SLC6A4: variants seen among roughly 807,000 people sequenced by gnomAD.
SLC6A4 encodes the protein solute carrier family 6 member 4.
A neutral mutation model predicts 73.4 loss-of-function variants in SLC6A4; 22 were observed. That is an observed-to-expected ratio of 0.30 (90% CI 0.21 to 0.43). The LOEUF (loss-of-function observed/expected upper bound fraction) is 0.43, where lower values mean the gene tolerates loss of function less well. SLC6A4 is among the 20% of genes least tolerant of loss of function. The pLI, the probability that SLC6A4 is intolerant of heterozygous loss-of-function variation, is 1.00. For missense variants in SLC6A4, 593 were observed against 808.5 expected (o/e 0.73, Z 3.23); for synonymous variants, 270 against 315.5 (o/e 0.86, Z 1.53).
chr17:30,212,722 T>G lies in SLC6A4; in HGVS notation c.1204+18A>C, dbSNP rs921966017. On this transcript the variant is annotated intron_variant, in intron 9 of 14. Transcript: ENST00000650711. Reference sequence around the variant, plus strand: ...ACTCAGTAGGAGCAAGGGACCTGCATAGAACCCGAGGTCCTACCTGCGTCT... The same window carrying G: ...ACTCAGTAGGAGCAAGGGACCTGCAGAGAACCCGAGGTCCTACCTGCGTCT... 8 of 1,613,514 alleles carry G rather than the reference T, an allele frequency of 5.0e-6. No individual in the cohort carries two copies. In the East Asian group the frequency reaches 1.8e-4, roughly 36 times the overall value.
At chr17:30,200,178 T>C (rs1414441367) in intron 14 of SLC6A4, among the ~76,000 whole-genome samples, 2 of 152,178 alleles carry the variant, frequency 1.3e-5, no homozygotes, top group Non-Finnish European at 2.9e-5. Flanking sequence ...AAACACTTGG[T>C]TTTTGTGCCC....
chr17:30,233,563 G>A (rs889432733), intron 1 of SLC6A4, among the ~76,000 whole-genome samples: 1 of 152,164 alleles, frequency 6.6e-6, no homozygotes, highest in African/African-American at 2.4e-5. Context: ...TCTTAAAGTG[G>A]AGAGGTTAGG....
intron 8 of SLC6A4, among the ~76,000 whole-genome samples, chr17:30,214,212 C>T (rs368864065): frequency 1.3e-5 from 2 of 151,816 alleles, no homozygotes; most frequent in African/African-American, 2.4e-5. Context: ...CACCTGAGGT[C>T]GGGAGTTGGA....
intron 9 of SLC6A4, among the ~76,000 whole-genome samples, chr17:30,212,450 G>A (rs999655840): frequency 6.6e-6 from 1 of 152,204 alleles, no homozygotes; most frequent in Non-Finnish European, 1.5e-5. Context: ...ACAGTGGTGT[G>A]ATCATGGCTC....
At chr17:30,216,252 G>T in intron 6 of SLC6A4, 36 bp from the exon 7 acceptor site, 1 of 832,716 alleles carries the variant, frequency 1.2e-6, no homozygotes, top group Non-Finnish European at 1.8e-6. Context: ...TGCTGTTCCA[G>T]GGAGGGGAGG....
chr17:30,227,061 G>A (rs1189363377), intron 1 of SLC6A4, among the ~76,000 whole-genome samples: 1 of 152,192 alleles, frequency 6.6e-6, no homozygotes, highest in Non-Finnish European at 1.5e-5. Flanking sequence ...GCCGCGGCGT[G>A]TTTAGATAGC....
In SLC6A4 at chr17:30,230,081, GAA is replaced by G. The variant is rs1445268517; in HGVS notation, c.-221+5530_-221+5531del. On this transcript the variant is annotated intron_variant, in intron 1 of 14. Transcript: ENST00000650711. ...AGAAGAAGAAGAAGAAGAAGAAGAA[GAA>G]GAAGAAGAAGAAGAGGAGGAAGAGG... is the stretch of plus-strand genomic sequence containing the variant. Among the ~76,000 whole-genome samples the G allele has an allele frequency of 5.1e-3, 635 of 124,328 alleles. 5 individuals carry two copies. The highest frequency in any genetic ancestry group is 0.025 in the African/African-American group (614 of 24,724). 81.6% of individuals were successfully genotyped at this position (124,328 alleles called of 152,430 possible).
rs773229105 is a variant in SLC6A4, at chr17:30,207,726, A to G, written c.1650+6T>C. 1 of 1,591,566 alleles carries G rather than the reference A, an allele frequency of 6.3e-7. No individual in the cohort carries two copies. Among genetic ancestry groups the G allele is most frequent in the African/African-American group, 1.3e-5 (1 of 74,452 alleles). ...GGCAAGGAGGAGAAGGGAAATGGCA[A>G]CTCACCAGGAGAAACAGAGGGCTGA... On this transcript the variant is annotated splice_donor_region_variant and intron_variant, in intron 13 of 14. Coordinates refer to ENST00000650711, the MANE Select transcript of SLC6A4 (RefSeq NM_001045.6).
intron 1 of SLC6A4, among the ~76,000 whole-genome samples, chr17:30,226,537 T>C (rs943698953): frequency 9.9e-5 from 15 of 152,060 alleles, no homozygotes; most frequent in Admixed American, 2.0e-4. Context: ...CTGTCTCTAC[T>C]AAAAATACAA....
At chr17:30,206,648 T>G (rs1906207146) in intron 13 of SLC6A4, among the ~76,000 whole-genome samples, 1 of 152,054 alleles carries the variant, frequency 6.6e-6, no homozygotes, top group South Asian at 2.1e-4. Flanking sequence ...GTTCTTTTTG[T>G]TATGTGACTT....
At position 30,222,842 on chromosome 17, in the gene SLC6A4, C is replaced by T. The variant is rs994248830; in HGVS notation, c.-147G>A. The stretch of plus-strand genomic sequence containing the variant: ...ACCATTTGTTCTTCTTTCCACTTGC[C>T]AGCAACTCCTGTGGCTAAGCCCCTT... On this transcript the variant is annotated 5_prime_UTR_variant, in exon 2 of 15. Transcript: ENST00000650711. 9 of 1,304,438 alleles carry T rather than the reference C, an allele frequency of 6.9e-6. No homozygotes were observed. The African/African-American group carries it at 1.4e-4, about 20-fold the overall frequency. 80.8% of individuals were successfully genotyped at this position (1,304,438 alleles called of 1,614,324 possible). A position where few individuals can be genotyped will look rare whatever the true frequency, so the allele number is the denominator to read the frequency against.
intron 1 of SLC6A4, among the ~76,000 whole-genome samples, chr17:30,228,881 C>T (rs1227904493): frequency 1.3e-5 from 2 of 152,224 alleles, no homozygotes; most frequent in Admixed American, 1.3e-4. Context: ...GCTATGGCTA[C>T]ACGTCCCTGA....
chr17:30,206,539 C>T (rs1405468481), intron 13 of SLC6A4: 2 of 152,048 alleles, frequency 1.3e-5, no homozygotes, highest in Non-Finnish European at 2.9e-5. Context: ...TTTGTATCAT[C>T]TTGAAGAAGA....
At chr17:30,219,181 G>A (rs1391235278) in intron 3 of SLC6A4, among the ~76,000 whole-genome samples, 2 of 152,198 alleles carry the variant, frequency 1.3e-5, no homozygotes, top group Non-Finnish European at 2.9e-5. Flanking sequence ...TGGTTTGGGA[G>A]TCGACAGAAC....
Position 30,210,507 on chromosome 17 carries a change from A to G in SLC6A4, c.1449+8T>C. 1 of 1,611,710 alleles carries G rather than the reference A, an allele frequency of 6.2e-7. No homozygotes were observed. The highest frequency in any genetic ancestry group is 8.5e-7 in the Non-Finnish European group (1 of 1,178,890). Reference sequence around the variant, plus strand: ...GGCCAACTCAAAGCTGAGGGGCATGATACTCACAAAAGTCAGGGTGACCAG... The same window carrying G: ...GGCCAACTCAAAGCTGAGGGGCATGGTACTCACAAAAGTCAGGGTGACCAG... On this transcript the variant is annotated splice_region_variant and intron_variant, in intron 11 of 14. Coordinates refer to ENST00000650711, the MANE Select transcript of SLC6A4 (RefSeq NM_001045.6).
At chr17:30,206,846 G>A (rs1342692551) in intron 13 of SLC6A4, among the ~76,000 whole-genome samples, 1 of 150,482 alleles carries the variant, frequency 6.6e-6, no homozygotes, top group Non-Finnish European at 1.5e-5. Flanking sequence ...AGCCTCCTGA[G>A]TAGCACCTAG....
At chr17:30,226,889 G>GA (rs57429941) in intron 1 of SLC6A4, among the ~76,000 whole-genome samples, 1 of 122,772 alleles carries the variant, frequency 8.1e-6, no homozygotes, top group African/African-American at 3.7e-5. Context: ...AAAAGAAAAA[G>GA]AAAGAAAAAA....
At chr17:30,210,726 G>C in intron 10 of SLC6A4, 80 bp from the exon 11 acceptor site, 3 of 1,477,644 alleles carry the variant, frequency 2.0e-6, no homozygotes, top group Middle Eastern at 2.4e-4. Context: ...AGGAGGGAGG[G>C]GTAAGGTTGC....
At position 30,209,260 on chromosome 17, in the gene SLC6A4, G is replaced by T. The variant is rs1406201821; in HGVS notation, c.1450-18C>A. Reference sequence around the variant, plus strand: ...GCCCCTCCCTGGAGGGGAGAGCAGAGCCTGGGTGAGGGCCCTCCAAGGAGC... The same window carrying T: ...GCCCCTCCCTGGAGGGGAGAGCAGATCCTGGGTGAGGGCCCTCCAAGGAGC... On this transcript the variant is annotated intron_variant, in intron 11 of 14. Coordinates refer to ENST00000650711, the MANE Select transcript of SLC6A4 (RefSeq NM_001045.6). 7.2e-6 allele frequency: 11 copies of T among 1,530,804 alleles called. No homozygotes were observed. The highest frequency in any genetic ancestry group is 9.9e-6 in the Non-Finnish European group (11 of 1,106,516). The allele number at this position is 1,530,804 out of a possible 1,614,324, so 94.8% of individuals were successfully genotyped here.
Sources: allele counts gnomAD v4.1 joint callset (sites outside exome capture counted in the v4.1 genomes callset), GRCh38; gene constraint gnomAD v4.1.1; transcripts MANE v1.5; gene names NCBI Gene and HGNC (gene_info 2026-07-23, HGNC 2026-07-21).